IAPP: variants seen among roughly 807,000 people sequenced by gnomAD.
IAPP encodes islet amyloid polypeptide, also known as Islet amyloid polypeptide (diabetes-associated peptide; amylin).
A neutral mutation model predicts 2.9 loss-of-function variants in IAPP; 4 were observed. That is an observed-to-expected ratio of 1.39 (90% CI 0.69 to 3.19). The LOEUF (loss-of-function observed/expected upper bound fraction) is 3.19. IAPP is among the 30% of genes most tolerant of loss of function. The pLI, the probability that IAPP is intolerant of heterozygous loss-of-function variation, is 0.01. For synonymous variants in IAPP, 40 were observed against 42.1 expected (o/e 0.95, Z 0.19); for missense variants, 114 against 105.3 (o/e 1.08, Z -0.36).
rs897927917 is a variant in IAPP at position 21,373,335 on chromosome 12, AG to A, written c.-15-1del. The A allele has an allele frequency of 9.5e-6, 15 of 1,578,620 alleles. No individual in the cohort carries two copies. In the African/African-American group the frequency reaches 1.2e-4, roughly 13 times the overall value. On this transcript the variant is annotated splice_acceptor_variant, in intron 1 of 2. Transcript: ENST00000240652. LOFTEE classifies it low-confidence loss of function (5UTR_SPLICE). ...ATTTCAGTGCTGGATTATTCTTTGC[AG>A]AAAATTTGAGAAGCAATGGGCATCC...
chr12:21,364,086 C>G (rs1396703613), intron 1 of IAPP, among the ~76,000 whole-genome samples: 1 of 152,038 alleles, frequency 6.6e-6, no homozygotes, highest in Non-Finnish European at 1.5e-5. Flanking sequence ...CTGGCAGAAA[C>G]ACAACAAAAA....
chr12:21,373,381 C>A lies in IAPP; in HGVS notation c.30C>A (p.Leu10=), dbSNP rs762274695. ...GCATCCTGAAGCTGCAAGTATTTCT[C>A]ATTGTGCTCTCTGTTGCATTGAACC... MGILKLQVF[L]IVLSVALNHL... is the part of the protein sequence containing the mutation. Residue 10 remains leucine, a synonymous_variant, in exon 2 of 3, where the codon CTC becomes CTA. Coordinates refer to ENST00000240652, the MANE Select transcript of IAPP (RefSeq NM_000415.3). 1.3e-5 allele frequency: 21 copies of A among 1,613,508 alleles called. No homozygotes were observed. The highest frequency in any genetic ancestry group is 1.8e-5 in the Non-Finnish European group (21 of 1,179,578).
intron 1 of IAPP, among the ~76,000 whole-genome samples, chr12:21,360,615 G>T (rs1441309773): frequency 6.6e-6 from 1 of 152,210 alleles, no homozygotes; most frequent in Non-Finnish European, 1.5e-5. Flanking sequence ...AGCACAAGGG[G>T]TGGGGGAATT....
At chr12:21,371,364 C>T (rs1370516641), upstream of IAPP, among the ~76,000 whole-genome samples, 2 of 151,948 alleles carry the variant, frequency 1.3e-5, no homozygotes, top group African/African-American at 2.4e-5. Flanking sequence ...AGTACATTAT[C>T]TTCTTACGGA....
chr12:21,366,484 C>T (rs1257171396), intron 1 of IAPP, among the ~76,000 whole-genome samples: 2 of 151,918 alleles, frequency 1.3e-5, no homozygotes, highest in African/African-American at 4.8e-5. Flanking sequence ...ACATGGCGCA[C>T]GTATTCCTAT....
chr12:21,379,194 T>C lies in IAPP; in HGVS notation c.*768T>C, dbSNP rs1940427035. ...TTTCTGAAATGACAGAATGCTGTTTTAAAAACAAAGAAATAAAATCCTGCT... is the reference window on the plus strand; with the variant it reads ...TTTCTGAAATGACAGAATGCTGTTTCAAAAACAAAGAAATAAAATCCTGCT... On this transcript the variant is annotated 3_prime_UTR_variant, in exon 3 of 3. Coordinates refer to ENST00000240652, the MANE Select transcript of IAPP (RefSeq NM_000415.3). 1 of 152,246 alleles carries C rather than the reference T, an allele frequency of 6.6e-6. No individual in the cohort carries two copies. Among genetic ancestry groups the C allele is most frequent in the Non-Finnish European group, 1.5e-5 (1 of 68,042 alleles). The allele number at this position is 152,246 out of a possible 1,614,324, so 9.4% of individuals were successfully genotyped here. A position where few individuals can be genotyped will look rare whatever the true frequency, so the allele number is the denominator to read the frequency against.
intron 1 of IAPP, among the ~76,000 whole-genome samples, chr12:21,367,048 T>A (rs1402105828): frequency 1.3e-5 from 2 of 152,022 alleles, no homozygotes; most frequent in Non-Finnish European, 2.9e-5. Flanking sequence ...CCAAAGCATA[T>A]CAGCCTGAAT....
intron 1 of IAPP, among the ~76,000 whole-genome samples, chr12:21,360,655 G>A (rs139897346): frequency 2.5e-3 from 386 of 152,318 alleles, no homozygotes; most frequent in African/African-American, 8.9e-3. Context: ...AGCCATGACA[G>A]ACAGCACCTG....
chr12:21,370,126 A>G (rs1378071853), upstream of IAPP, among the ~76,000 whole-genome samples: 2 of 152,194 alleles, frequency 1.3e-5, no homozygotes, highest in Non-Finnish European at 2.9e-5. Flanking sequence ...CAGACAGATA[A>G]GAATTTGTCT....
At chr12:21,362,429 G>A (rs11045999) in intron 1 of IAPP, among the ~76,000 whole-genome samples, 1 of 152,092 alleles carries the variant, frequency 6.6e-6, no homozygotes. Flanking sequence ...CAACCGGTAC[G>A]AGCCACTGCA....
intron 2 of IAPP, among the ~76,000 whole-genome samples, chr12:21,373,922 G>A (rs2137095980): frequency 6.6e-6 from 1 of 152,222 alleles, no homozygotes; most frequent in Middle Eastern, 3.4e-3. Flanking sequence ...ATAATCAGGA[G>A]CAAATTAATG....
rs1050490180 is a variant in IAPP, at chr12:21,379,190, G to A, written c.*764G>A. Reference sequence around the variant, plus strand: ...TATATTTCTGAAATGACAGAATGCTGTTTTAAAAACAAAGAAATAAAATCC... The same window carrying A: ...TATATTTCTGAAATGACAGAATGCTATTTTAAAAACAAAGAAATAAAATCC... On this transcript the variant is annotated 3_prime_UTR_variant, in exon 3 of 3. Transcript: ENST00000240652. 5 of 152,214 alleles carry A rather than the reference G, an allele frequency of 3.3e-5. No homozygotes were observed. 9.4% of individuals were successfully genotyped at this position (152,214 alleles called of 1,614,324 possible).
intron 1 of IAPP, among the ~76,000 whole-genome samples, chr12:21,358,073 A>C (rs1448564292): frequency 1.3e-5 from 2 of 152,154 alleles, no homozygotes; most frequent in African/African-American, 4.8e-5. Context: ...CATGTTTTGA[A>C]TCTGGTAAAA....
intron 2 of IAPP, chr12:21,376,351 GT>G: frequency 2.8e-6 from 1 of 355,348 alleles, no homozygotes; most frequent in Non-Finnish European, 5.7e-6. Context: ...AATTTTTACT[GT>G]TTTTCAAGAA....
At chr12:21,362,541 A>C (rs755275306) in intron 1 of IAPP, among the ~76,000 whole-genome samples, 1 of 152,196 alleles carries the variant, frequency 6.6e-6, no homozygotes, top group Non-Finnish European at 1.5e-5. Context: ...TAAAATTCAC[A>C]CATAACAATA....
At position 21,379,652 on chromosome 12, in the gene IAPP, G is replaced by C. The variant is rs545439059; in HGVS notation, c.*1226G>C. ...TGAATATCTGCTTTTCCCTGACTTT[G>C]AGTTAGGTAGCTTTGGAAGTAGCAT... On this transcript the variant is annotated 3_prime_UTR_variant, in exon 3 of 3. Coordinates refer to ENST00000240652, the MANE Select transcript of IAPP (RefSeq NM_000415.3). The C allele has an allele frequency of 6.6e-6, 1 of 152,268 alleles. No homozygotes were observed. The highest frequency in any genetic ancestry group is 1.9e-4 in the East Asian group (1 of 5,186). 9.4% of individuals were successfully genotyped at this position (152,268 alleles called of 1,614,324 possible).
chr12:21,362,276 A>G (rs1938968028), intron 1 of IAPP, among the ~76,000 whole-genome samples: 1 of 152,212 alleles, frequency 6.6e-6, no homozygotes. Flanking sequence ...TTTTCAACCC[A>G]GAATTTCATA....
chr12:21,362,959 C>G (rs894795333), intron 1 of IAPP, among the ~76,000 whole-genome samples: 5 of 152,106 alleles, frequency 3.3e-5, no homozygotes, highest in African/African-American at 1.2e-4. Context: ...GACATTAACA[C>G]CCCACTGTGA....
At chr12:21,355,342 A>G (rs1591874294) in intron 1 of IAPP, among the ~76,000 whole-genome samples, 1 of 152,172 alleles carries the variant, frequency 6.6e-6, no homozygotes, top group Non-Finnish European at 1.5e-5. Context: ...TAGAACTTAG[A>G]TAAGTTAAGA....
Sources: gnomAD v4.1 joint callset for allele counts (sites outside exome capture counted in the v4.1 genomes callset) on GRCh38, gnomAD v4.1.1 for gene constraint, MANE v1.5 for transcripts, NCBI Gene and HGNC (gene_info 2026-07-23, HGNC 2026-07-21) for gene names.